Variants in PRKG1 observed in about 807,000 individuals in gnomAD.
PRKG1 encodes protein kinase cGMP-dependent 1, also known as cGMP-dependent protein kinase 1.
Under a neutral mutation model 88.1 loss-of-function variants are expected in PRKG1, and 35 were observed. That is an observed-to-expected ratio of 0.40 (90% confidence interval 0.30 to 0.53). The LOEUF is 0.53. Ranked by LOEUF, PRKG1 falls within the 20% of genes least tolerant of loss-of-function variation. The probability of loss-of-function intolerance (pLI) is 0.59; values close to 1 mark genes in which losing one functional copy is unlikely to be tolerated. For synonymous variants in PRKG1, 303 were observed against 292.5 expected (o/e 1.04, Z -0.37); for missense variants, 540 against 839.8 (o/e 0.64, Z 4.41).
At chr10:51,396,501 A>G (rs1353659123) in intron 2 of PRKG1, among the ~76,000 whole-genome samples, 1 of 152,232 alleles carries the variant, frequency 6.6e-6, no homozygotes, top group Non-Finnish European at 1.5e-5. Context: ...GAGTATTAAA[A>G]CATGTTGCCC....
intron 3 of PRKG1, among the ~76,000 whole-genome samples, chr10:51,691,708 G>A (rs886989130): frequency 2.6e-5 from 4 of 152,194 alleles, no homozygotes; most frequent in Non-Finnish European, 5.9e-5. Context: ...AAAAGCAGGA[G>A]TTGTAAGCTC....
chr10:52,223,058 C>A (rs971880594), intron 9 of PRKG1, among the ~76,000 whole-genome samples: 1 of 152,124 alleles, frequency 6.6e-6, no homozygotes, highest in Non-Finnish European at 1.5e-5. Flanking sequence ...CCTAGAAATT[C>A]TTTTCTCTTT....
At chr10:52,263,400 C>A (rs371245381) in intron 10 of PRKG1, among the ~76,000 whole-genome samples, 62 of 152,102 alleles carry the variant, frequency 4.1e-4, no homozygotes, top group South Asian at 2.7e-3. Flanking sequence ...TTTAAAAATT[C>A]TTTAACAACT....
At chr10:51,272,506 T>G (rs766688690) in intron 2 of PRKG1, among the ~76,000 whole-genome samples, 4 of 123,502 alleles carry the variant, frequency 3.2e-5, no homozygotes, top group African/African-American at 9.5e-5. Context: ...AAAGTTTTGT[T>G]TTTTTTTTTA....
At chr10:51,828,858 A>G (rs1391880171) in intron 4 of PRKG1, among the ~76,000 whole-genome samples, 3 of 152,232 alleles carry the variant, frequency 2.0e-5, no homozygotes, top group Admixed American at 6.5e-5. Flanking sequence ...AAAAGAAGCT[A>G]AAGAGACATA....
intron 3 of PRKG1, among the ~76,000 whole-genome samples, chr10:51,734,411 TTTTA>T (rs1837210832): frequency 6.6e-6 from 1 of 152,210 alleles, no homozygotes; most frequent in African/African-American, 2.4e-5. Flanking sequence ...GATATTGTTA[TTTTA>T]TTTTATTTTA....
At chr10:52,046,405 T>C (rs1294594170) in intron 5 of PRKG1, among the ~76,000 whole-genome samples, 3 of 152,094 alleles carry the variant, frequency 2.0e-5, no homozygotes, top group African/African-American at 7.2e-5. Context: ...GAGGAATCAC[T>C]GCCTGCCTCG....
chr10:52,285,973 T>C (rs1462303028), intron 14 of PRKG1, among the ~76,000 whole-genome samples: 1 of 152,010 alleles, frequency 6.6e-6, no homozygotes, highest in African/African-American at 2.4e-5. Context: ...ACACATCAAT[T>C]ATGTGTATGA....
chr10:51,374,093 AATAT>A (rs58198784), intron 2 of PRKG1, among the ~76,000 whole-genome samples: 20 of 100,188 alleles, frequency 2.0e-4, no homozygotes, highest in African/African-American at 5.7e-4. Context: ...AAAAAAAAAA[AATAT>A]ATATATATAT....
At chr10:52,209,038 A>G (rs1286307657) in intron 9 of PRKG1, among the ~76,000 whole-genome samples, 1 of 152,230 alleles carries the variant, frequency 6.6e-6, no homozygotes, top group African/African-American at 2.4e-5. Flanking sequence ...ATTTCAGCAC[A>G]TTTCTAACTA....
At chr10:52,293,424 A>G (rs1469838635) in intron 17 of PRKG1, among the ~76,000 whole-genome samples, 2 of 152,042 alleles carry the variant, frequency 1.3e-5, no homozygotes, top group Admixed American at 6.6e-5. Flanking sequence ...TAAAGTTCAT[A>G]TGGAACCAAA....
intron 5 of PRKG1, among the ~76,000 whole-genome samples, chr10:52,038,003 C>T (rs1243594295): frequency 6.6e-6 from 1 of 152,078 alleles, no homozygotes; most frequent in Non-Finnish European, 1.5e-5. Context: ...ACGTCAGGCA[C>T]CTCAGACCAT....
At chr10:52,210,320 TTA>T (rs1230553659) in intron 9 of PRKG1, among the ~76,000 whole-genome samples, 1 of 151,880 alleles carries the variant, frequency 6.6e-6, no homozygotes, top group Admixed American at 6.6e-5. Flanking sequence ...AGATCTTATT[TTA>T]GTTTCTCATG....
At chr10:51,464,978 T>TA (rs1839859511) in intron 2 of PRKG1, among the ~76,000 whole-genome samples, 1 of 152,038 alleles carries the variant, frequency 6.6e-6, no homozygotes, top group South Asian at 2.1e-4. Flanking sequence ...TTTGGAGACT[T>TA]ACACAATTCT....
chr10:51,029,694 G>A (rs1357177204), intron 1 of PRKG1, among the ~76,000 whole-genome samples: 1 of 152,038 alleles, frequency 6.6e-6, no homozygotes, highest in Non-Finnish European at 1.5e-5. Context: ...TTTGTTCTTG[G>A]TTTGCTTATT....
At chr10:51,408,755 G>A (rs956916685) in intron 2 of PRKG1, among the ~76,000 whole-genome samples, 2 of 152,208 alleles carry the variant, frequency 1.3e-5, no homozygotes, top group African/African-American at 2.4e-5. Context: ...TTGTTCATGG[G>A]CCCATTAGGC....
chr10:52,148,957 CTTTTTTTT>C (rs71904885), intron 8 of PRKG1, among the ~76,000 whole-genome samples: 4 of 55,166 alleles, frequency 7.3e-5, no homozygotes, highest in Non-Finnish European at 9.8e-5. Context: ...GATAGTTTTG[CTTTTTTTT>C]TTTTTTTTTT....
At chr10:51,197,734 A>G (rs1329267433) in intron 2 of PRKG1, among the ~76,000 whole-genome samples, 2 of 151,866 alleles carry the variant, frequency 1.3e-5, no homozygotes, top group African/African-American at 4.8e-5. Flanking sequence ...GCCAGGGTCA[A>G]ATTAAATAAG....
chr10:51,196,897 T>C (rs1837782039), intron 2 of PRKG1, among the ~76,000 whole-genome samples: 1 of 152,206 alleles, frequency 6.6e-6, no homozygotes, highest in African/African-American at 2.4e-5. Flanking sequence ...AACAGTGGAA[T>C]GAATTTGTGT....
Sources: gnomAD v4.1 joint callset for allele counts (sites outside exome capture counted in the v4.1 genomes callset) on GRCh38, gnomAD v4.1.1 for gene constraint, MANE v1.5 for transcripts, NCBI Gene and HGNC (gene_info 2026-07-23, HGNC 2026-07-21) for gene names.